KSR1: variants seen among roughly 807,000 people sequenced by gnomAD.
KSR1 encodes the protein kinase suppressor of ras.
A neutral mutation model predicts 92.9 loss-of-function variants in KSR1; 35 were observed. The observed-to-expected ratio is 0.38, with a 90% CI of 0.29 to 0.50. The LOEUF is 0.50. Ranked by LOEUF, KSR1 falls within the 20% of genes least tolerant of loss-of-function variation. KSR1 has a pLI of 0.94. For synonymous variants in KSR1, 467 were observed against 472.6 expected (o/e 0.99, Z 0.15); for missense variants, 972 against 1,158.5 (o/e 0.84, Z 2.34).
At chr17:27,509,238 C>T (rs185458017) in intron 1 of KSR1, among the ~76,000 whole-genome samples, 1 of 152,222 alleles carries the variant, frequency 6.6e-6, no homozygotes, top group Admixed American at 6.5e-5. Context: ...AGTCTGGGTG[C>T]AGTGGCTCAT....
intron 18 of KSR1, among the ~76,000 whole-genome samples, chr17:27,614,804 C>T (rs995132269): frequency 5.3e-5 from 8 of 152,232 alleles, no homozygotes; most frequent in Non-Finnish European, 7.4e-5. Flanking sequence ...AGCAGATGCT[C>T]CGGCAGCAGC....
intron 1 of KSR1, among the ~76,000 whole-genome samples, chr17:27,490,226 G>C (rs2068780933): frequency 6.6e-6 from 1 of 152,168 alleles, no homozygotes; most frequent in Non-Finnish European, 1.5e-5. Context: ...AAAAAGTTAA[G>C]CATATAGTAA....
At position 27,487,161 on chromosome 17, in the gene KSR1, G is replaced by A. The variant is rs185303335; in HGVS notation, c.231+30287G>A. On this transcript the variant is annotated intron_variant, in intron 1 of 20. Coordinates refer to ENST00000644974, the MANE Select transcript of KSR1 (RefSeq NM_001394583.1). The stretch of plus-strand genomic sequence containing the variant: ...TTAAGAAAGAGGTTTGTGGCCGGGC[G>A]CGATGGCTCACGCCTGTAATCTTAG... Among the ~76,000 whole-genome samples, 478 of 152,302 alleles carry A rather than the reference G, an allele frequency of 3.1e-3. 1 individual carries two copies. Among genetic ancestry groups the A allele is most frequent in the Non-Finnish European group, 4.8e-3 (329 of 68,020 alleles).
chr17:27,615,797 C>T (rs2074038954), intron 18 of KSR1, among the ~76,000 whole-genome samples: 1 of 152,208 alleles, frequency 6.6e-6, no homozygotes, highest in Admixed American at 6.5e-5. Context: ...AAAAAACTGC[C>T]TCCCAGTGGA....
intron 1 of KSR1, among the ~76,000 whole-genome samples, chr17:27,490,327 A>G (rs1389402533): frequency 6.6e-6 from 1 of 152,248 alleles, no homozygotes; most frequent in Non-Finnish European, 1.5e-5. Flanking sequence ...ATCATGGAAA[A>G]TAAGGTTTTG....
chr17:27,607,600 GAAC>G (rs2073795344), intron 14 of KSR1, among the ~76,000 whole-genome samples: 1 of 152,164 alleles, frequency 6.6e-6, no homozygotes. Flanking sequence ...GTCCTGCCTT[GAAC>G]CCACCAAGCA....
chr17:27,571,805 C>T lies in KSR1; in HGVS notation c.373-5687C>T, dbSNP rs148965200. Among the ~76,000 whole-genome samples, 168 of 152,354 alleles carry T rather than the reference C, an allele frequency of 1.1e-3. 1 individual carries two copies. The highest frequency in any genetic ancestry group is 3.9e-3 in the African/African-American group (164 of 41,576). ...AGTGCAGTGTGTTTGTATACGTGGC[C>T]GGTACAGCAGCGGTGCCGCCCCTGG... On this transcript the variant is annotated intron_variant, in intron 2 of 20. Transcript: ENST00000644974.
chr17:27,576,873 G>A (rs1218095928), intron 2 of KSR1, among the ~76,000 whole-genome samples: 3 of 152,140 alleles, frequency 2.0e-5, no homozygotes, highest in Admixed American at 6.5e-5. Flanking sequence ...AAGGTCACAA[G>A]ACCACCTTAA....
At position 27,479,846 on chromosome 17, in the gene KSR1, A is replaced by G. The variant is rs571743472; in HGVS notation, c.231+22972A>G. Among the ~76,000 whole-genome samples the G allele has an allele frequency of 6.2e-4, 95 of 152,188 alleles. 1 individual carries two copies. The highest frequency in any genetic ancestry group is 2.3e-3 in the African/African-American group (94 of 41,522). On this transcript the variant is annotated intron_variant, in intron 1 of 20. Coordinates refer to ENST00000644974, the MANE Select transcript of KSR1 (RefSeq NM_001394583.1). ...TGTGGCATGAGAATGACTGACTAAC[A>G]GAGGGGTGGCGGCACCACACAGACA...
At chr17:27,563,724 G>A (rs1407611100) in intron 2 of KSR1, among the ~76,000 whole-genome samples, 1 of 152,168 alleles carries the variant, frequency 6.6e-6, no homozygotes, top group Non-Finnish European at 1.5e-5. Context: ...GCATCAGATG[G>A]TTTCCTGTCT....
intron 1 of KSR1, among the ~76,000 whole-genome samples, chr17:27,521,443 G>A (rs571011694): frequency 2.7e-5 from 4 of 149,032 alleles, no homozygotes; most frequent in Non-Finnish European, 5.9e-5. Context: ...TCTTGCCTCA[G>A]CCTCTTGAGT....
chr17:27,584,998 G>A (rs886844094), intron 4 of KSR1, among the ~76,000 whole-genome samples: 10 of 152,142 alleles, frequency 6.6e-5, no homozygotes, highest in Non-Finnish European at 4.4e-5. Flanking sequence ...GTGCAGTGGC[G>A]CAATCTCGGC....
At chr17:27,468,922 T>C (rs1385659474) in intron 1 of KSR1, among the ~76,000 whole-genome samples, 1 of 152,216 alleles carries the variant, frequency 6.6e-6, no homozygotes, top group Non-Finnish European at 1.5e-5. Flanking sequence ...AATCCCACTG[T>C]GCACATCCTG....
At chr17:27,561,677 T>C (rs1012291966) in intron 2 of KSR1, among the ~76,000 whole-genome samples, 4 of 152,208 alleles carry the variant, frequency 2.6e-5, no homozygotes, top group Non-Finnish European at 5.9e-5. Context: ...TTCCTGTCCT[T>C]CTGGAACTGG....
At chr17:27,479,857 G>A (rs1203278016) in intron 1 of KSR1, among the ~76,000 whole-genome samples, 7 of 152,112 alleles carry the variant, frequency 4.6e-5, no homozygotes, top group Admixed American at 2.0e-4. Flanking sequence ...GAGGGGTGGC[G>A]GCACCACACA....
intron 11 of KSR1, chr17:27,601,933 A>G: frequency 6.2e-7 from 1 of 1,608,532 alleles, no homozygotes; most frequent in Non-Finnish European, 8.5e-7. Context: ...TCCTTATTGC[A>G]GAAAGTTTAA....
At chr17:27,594,371 C>G (rs2073269422) in intron 9 of KSR1, among the ~76,000 whole-genome samples, 1 of 151,924 alleles carries the variant, frequency 6.6e-6, no homozygotes, top group Admixed American at 6.6e-5. Context: ...CATAATTGCC[C>G]CTGCCTCTCC....
chr17:27,595,354 A>C (rs1167886262), intron 9 of KSR1, among the ~76,000 whole-genome samples: 5 of 152,364 alleles, frequency 3.3e-5, no homozygotes, highest in South Asian at 2.1e-4. Context: ...AATGTGGAAC[A>C]AACATGTATT....
At chr17:27,467,819 T>G (rs557484181) in intron 1 of KSR1, among the ~76,000 whole-genome samples, 27 of 151,772 alleles carry the variant, frequency 1.8e-4, no homozygotes, top group African/African-American at 5.8e-4. Flanking sequence ...TTTTGTTTTT[T>G]TTTTTTTTTG....
Sources: gnomAD v4.1 joint callset for allele counts (sites outside exome capture counted in the v4.1 genomes callset) on GRCh38, gnomAD v4.1.1 for gene constraint, MANE v1.5 for transcripts, NCBI Gene and HGNC (gene_info 2026-07-23, HGNC 2026-07-21) for gene names.